The following SLC35F3 variants were observed in gnomAD, a reference collection of about 807,000 sequenced individuals.
SLC35F3 encodes solute carrier family 35 member F3, also known as putative thiamine transporter SLC35F3.
SLC35F3 carries 25 observed loss-of-function variants against 49.9 expected under a neutral mutation model. The observed-to-expected ratio is 0.50, with a 90% CI of 0.37 to 0.70. The LOEUF (loss-of-function observed/expected upper bound fraction) is 0.70, where lower values mean the gene tolerates loss of function less well. SLC35F3 is among the 30% of genes least tolerant of loss of function. The probability of loss-of-function intolerance (pLI) is 0.00; values close to 1 mark genes in which losing one functional copy is unlikely to be tolerated. For missense variants in SLC35F3, 525 were observed against 639.8 expected, an observed-to-expected ratio of 0.82 and a Z score of 1.94; for synonymous variants, 275 against 265.4, an observed-to-expected ratio of 1.04 and a Z score of -0.35.
chr1:234,155,398 T>G (rs9435576), intron 2 of SLC35F3, among the ~76,000 whole-genome samples: 9 of 145,176 alleles, frequency 6.2e-5, no homozygotes, highest in African/African-American at 1.1e-4. Context: ...TTCACCTGAT[T>G]ATTATTATTA....
intron 3 of SLC35F3, among the ~76,000 whole-genome samples, chr1:234,278,995 C>T (rs981029903): frequency 7.4e-6 from 1 of 134,508 alleles, no homozygotes; most frequent in African/African-American, 3.0e-5. Flanking sequence ...AGGATGTGCG[C>T]TCCTGACAGC....
At chr1:234,149,870 C>T (rs1261298512) in intron 2 of SLC35F3, among the ~76,000 whole-genome samples, 2 of 152,236 alleles carry the variant, frequency 1.3e-5, no homozygotes, top group African/African-American at 4.8e-5. Flanking sequence ...TATTTAACTG[C>T]CCAGAACAGT....
chr1:234,036,745 A>G (rs942142618), intron 2 of SLC35F3, among the ~76,000 whole-genome samples: 2 of 152,190 alleles, frequency 1.3e-5, no homozygotes, highest in African/African-American at 4.8e-5. Flanking sequence ...CCACCAATGC[A>G]TCTTTATTTT....
At chr1:234,267,578 C>A (rs1412045582) in intron 3 of SLC35F3, among the ~76,000 whole-genome samples, 1 of 149,114 alleles carries the variant, frequency 6.7e-6, no homozygotes, top group Non-Finnish European at 1.5e-5. Flanking sequence ...CCAGTAGGGG[C>A]GGCCGGGCAG....
At chr1:233,969,064 G>GGT (rs972390484) in intron 2 of SLC35F3, among the ~76,000 whole-genome samples, 4 of 150,608 alleles carry the variant, frequency 2.7e-5, no homozygotes, top group African/African-American at 9.8e-5. Context: ...ATATTTTGGG[G>GGT]GGGGGGACAC....
intron 2 of SLC35F3, among the ~76,000 whole-genome samples, chr1:234,174,650 G>A (rs1388905019): frequency 6.6e-6 from 1 of 152,208 alleles, no homozygotes; most frequent in Non-Finnish European, 1.5e-5. Flanking sequence ...ACATCTCTGT[G>A]TGTGCATAAA....
intron 2 of SLC35F3, among the ~76,000 whole-genome samples, chr1:233,909,718 T>A (rs1181074181): frequency 6.6e-6 from 1 of 152,224 alleles, no homozygotes; most frequent in Non-Finnish European, 1.5e-5. Flanking sequence ...TTGTAGGATG[T>A]TTAGCAGTAT....
intron 2 of SLC35F3, among the ~76,000 whole-genome samples, chr1:234,111,782 A>G (rs1665411106): frequency 6.6e-6 from 1 of 152,224 alleles, no homozygotes; most frequent in Admixed American, 6.5e-5. Context: ...GCCTGGAGAA[A>G]GCTGAGAATT....
At chr1:234,124,634 C>T (rs1466018985) in intron 2 of SLC35F3, among the ~76,000 whole-genome samples, 4 of 151,958 alleles carry the variant, frequency 2.6e-5, no homozygotes, top group Non-Finnish European at 5.9e-5. Flanking sequence ...TGGGAGGCTG[C>T]GGTGGGAGCG....
chr1:234,030,337 G>A (rs1244737330), intron 2 of SLC35F3, among the ~76,000 whole-genome samples: 2 of 152,094 alleles, frequency 1.3e-5, no homozygotes, highest in Non-Finnish European at 2.9e-5. Context: ...GGGGATTTAT[G>A]GCATCATTAG....
chr1:234,108,285 T>TATTTA (rs1558231334), intron 2 of SLC35F3, among the ~76,000 whole-genome samples: 871 of 39,380 alleles, frequency 0.022, 19 homozygotes, highest in East Asian at 0.056. Context: ...TATATATTAT[T>TATTTA]TATATATAAA....
Position 234,316,703 on chromosome 1 carries a change from A to G in SLC35F3, c.930A>G (p.Ser310=). Residue 310 remains serine, a synonymous_variant, in exon 5 of 8, where the codon TCA becomes TCG. Coordinates refer to ENST00000366618, the MANE Select transcript of SLC35F3 (RefSeq NM_173508.4). ...TCGGCATCGCACTGGTGGTGGCCTCAGCATCGATGTCTGCCCTCTACAAGG... is the reference window on the plus strand; with the variant it reads ...TCGGCATCGCACTGGTGGTGGCCTCGGCATCGATGTCTGCCCTCTACAAGG... ...SVIGIALVVA[S]ASMSALYKVL... The G allele has an allele frequency of 7.4e-6, 12 of 1,611,542 alleles. No homozygotes were observed. The highest frequency in any genetic ancestry group is 1.0e-5 in the Non-Finnish European group (12 of 1,177,862).
At chr1:234,010,599 T>G (rs779404577) in intron 2 of SLC35F3, among the ~76,000 whole-genome samples, 3 of 152,196 alleles carry the variant, frequency 2.0e-5, no homozygotes, top group Non-Finnish European at 4.4e-5. Context: ...ATGCTGCCTA[T>G]AAGAGACTCA....
At chr1:234,253,337 A>C (rs963940616) in intron 3 of SLC35F3, among the ~76,000 whole-genome samples, 1 of 151,830 alleles carries the variant, frequency 6.6e-6, no homozygotes, top group Non-Finnish European at 1.5e-5. Context: ...CTCAAAAAAA[A>C]TAATAATAAT....
intron 3 of SLC35F3, among the ~76,000 whole-genome samples, chr1:234,248,270 A>T: frequency 1.8e-5 from 1 of 56,320 alleles, no homozygotes; most frequent in Non-Finnish European, 3.7e-5. Flanking sequence ...TTGATGGGTC[A>T]GTTGGCTGGT....
intron 2 of SLC35F3, among the ~76,000 whole-genome samples, chr1:234,080,109 C>CA: frequency 6.6e-6 from 1 of 152,284 alleles, no homozygotes; most frequent in South Asian, 2.1e-4. Context: ...CCCCGACCTC[C>CA]AGGGAGAGGA....
At chr1:233,979,607 A>G (rs888295369) in intron 2 of SLC35F3, among the ~76,000 whole-genome samples, 41 of 152,304 alleles carry the variant, frequency 2.7e-4, no homozygotes, top group African/African-American at 9.4e-4. Context: ...GGTCAAAGCA[A>G]TAAAATAGGT....
chr1:234,149,502 T>C lies in SLC35F3; in HGVS notation c.284-81915T>C, dbSNP rs535625648. Among the ~76,000 whole-genome samples, 7 of 152,274 alleles carry C rather than the reference T, an allele frequency of 4.6e-5. No individual in the cohort carries two copies. In the South Asian group the frequency reaches 1.5e-3, roughly 32 times the overall value. ...AACTATGACATTTACATGAATGACTTCAACGCAGTCCTGTGGTCCCTAGAA... is the reference window on the plus strand; with the variant it reads ...AACTATGACATTTACATGAATGACTCCAACGCAGTCCTGTGGTCCCTAGAA... On this transcript the variant is annotated intron_variant, in intron 2 of 7. Coordinates refer to ENST00000366618, the MANE Select transcript of SLC35F3 (RefSeq NM_173508.4).
chr1:233,974,985 A>G (rs960197875), intron 2 of SLC35F3, among the ~76,000 whole-genome samples: 1 of 152,258 alleles, frequency 6.6e-6, no homozygotes, highest in Non-Finnish European at 1.5e-5. Context: ...AAGATAAGCT[A>G]TGTAGTTCAG....
Sources: gnomAD v4.1 joint callset for allele counts (sites outside exome capture counted in the v4.1 genomes callset) on GRCh38, gnomAD v4.1.1 for gene constraint, MANE v1.5 for transcripts, NCBI Gene and HGNC (gene_info 2026-07-23, HGNC 2026-07-21) for gene names.